ZNF407: variants seen among roughly 807,000 people sequenced by gnomAD.
The protein encoded by ZNF407 is zinc finger protein 407.
ZNF407 carries 17 observed loss-of-function variants against 131.2 expected under a neutral mutation model. That is an observed-to-expected ratio of 0.13 (90% CI 0.09 to 0.19). ZNF407 has a LOEUF of 0.19. Among genes scored for constraint, ZNF407 ranks in the 10% least tolerant of loss-of-function variants. ZNF407 has a pLI of 1.00. For synonymous variants in ZNF407, 1,156 were observed against 1,062.0 expected, an observed-to-expected ratio of 1.09 and a Z score of -1.72; for missense variants, 2,681 against 2,830.6, an observed-to-expected ratio of 0.95 and a Z score of 1.20.
chr18:74,672,961 A>G (rs1986210792), intron 3 of ZNF407, among the ~76,000 whole-genome samples: 1 of 152,188 alleles, frequency 6.6e-6, no homozygotes, highest in East Asian at 1.9e-4. Context: ...CTTCTTTCCT[A>G]ATATGTGTTA....
rs533645948 is a variant in ZNF407 at position 74,599,001 on chromosome 18, G to C, written c.-54+1064G>C. ...GTTACAGCTTTGCAGTCTATGCCTG[G>C]TGACATCCTAGTCGTAGTATGTATC... On this transcript the variant is annotated intron_variant, in intron 1 of 8. Transcript: ENST00000299687. Among the ~76,000 whole-genome samples the C allele has an allele frequency of 4.6e-5, 7 of 152,328 alleles. 1 individual carries two copies. Among genetic ancestry groups the C allele is most frequent in the African/African-American group, 1.7e-4 (7 of 41,582 alleles).
At chr18:74,940,038 A>C (rs1233202906) in intron 8 of ZNF407, among the ~76,000 whole-genome samples, 1 of 152,192 alleles carries the variant, frequency 6.6e-6, no homozygotes, top group East Asian at 1.9e-4. Flanking sequence ...TTACATATGA[A>C]GTCTCTGCCA....
At chr18:74,658,478 T>C (rs1985575958) in intron 3 of ZNF407, among the ~76,000 whole-genome samples, 1 of 152,128 alleles carries the variant, frequency 6.6e-6, no homozygotes, top group Admixed American at 6.5e-5. Context: ...ACTATTTACA[T>C]AGATATAGGA....
rs769999151 is a variant in ZNF407 at position 74,634,365 on chromosome 18, T to C, written c.3346T>C (p.Ser1116Pro). 2.5e-6 allele frequency: 4 copies of C among 1,613,926 alleles called. No individual in the cohort carries two copies. Among genetic ancestry groups the C allele is most frequent in the African/African-American group, 1.3e-5 (1 of 75,058 alleles). Residue 1116 changes from serine to proline, a missense_variant, in exon 2 of 9, where the codon TCT (serine) becomes CCT (proline). This residue lies in a region of ZNF407 where 1,789 missense variants were observed against 1,748.7 expected (regional missense o/e 1.02). Transcript: ENST00000299687. ...ATTTCAAATAATTTCAGGTCAACCA[T>C]CTGATACTCTTAAATCTAGAAATGC... ...EEFQIISGQP[S>P]DTLKSRNAAD...
chr18:74,924,476 T>C (rs1971886904), intron 8 of ZNF407, among the ~76,000 whole-genome samples: 1 of 152,236 alleles, frequency 6.6e-6, no homozygotes, highest in African/African-American at 2.4e-5. Flanking sequence ...TTGTACAATT[T>C]TTCTTCTATT....
At chr18:74,680,421 AC>A (rs1252415795) in intron 3 of ZNF407, among the ~76,000 whole-genome samples, 3 of 150,790 alleles carry the variant, frequency 2.0e-5, no homozygotes, top group Non-Finnish European at 1.5e-5. Flanking sequence ...AAAAAATAGA[AC>A]CCCCAAACAA....
intron 6 of ZNF407, among the ~76,000 whole-genome samples, chr18:74,885,331 A>G (rs2145190545): frequency 6.6e-6 from 1 of 152,334 alleles, no homozygotes; most frequent in Admixed American, 6.5e-5. Context: ...TGGAAACGTC[A>G]GAACACTGCT....
Position 74,822,229 on chromosome 18 carries a change from G to A in ZNF407, c.4877+40727G>A, listed in dbSNP as rs1416777806. On this transcript the variant is annotated intron_variant, in intron 4 of 8. Coordinates refer to ENST00000299687, the MANE Select transcript of ZNF407 (RefSeq NM_017757.3). ...ATTCTGTAGGTTGCGTGTTCACAAT[G>A]ATGGTAATTTCTTTTGCTGTGCAGA... Among the ~76,000 whole-genome samples, 3 of 152,166 alleles carry A rather than the reference G, an allele frequency of 2.0e-5. No homozygotes were observed. The East Asian group carries it at 5.8e-4, about 29-fold the overall frequency.
chr18:74,631,017 T>C lies in ZNF407; in HGVS notation c.-3T>C, dbSNP rs1431107479. 6.2e-7 allele frequency: 1 copy of C among 1,602,262 alleles called. No individual in the cohort carries two copies. Among genetic ancestry groups the C allele is most frequent in the Non-Finnish European group, 8.5e-7 (1 of 1,175,498 alleles). ...AGATAGAAGCATCGTCAGCACTTTATTAATGATGGATAGTGAGAATAAACC... is the reference window on the plus strand; with the variant it reads ...AGATAGAAGCATCGTCAGCACTTTACTAATGATGGATAGTGAGAATAAACC... On this transcript the variant is annotated 5_prime_UTR_variant, in exon 2 of 9. Coordinates refer to ENST00000299687, the MANE Select transcript of ZNF407 (RefSeq NM_017757.3).
Position 74,991,605 on chromosome 18 carries a change from A to G in ZNF407, c.5428+70913A>G, listed in dbSNP as rs191517412. Among the ~76,000 whole-genome samples the G allele has an allele frequency of 3.7e-4, 57 of 152,300 alleles. 1 individual carries two copies. The highest frequency in any genetic ancestry group is 6.0e-4 in the Non-Finnish European group (41 of 68,018). ...TCGGTATTGGTCACTAAATTTAAAC[A>G]TGGTTATTCTTAACATTTCCTAAAA... On this transcript the variant is annotated intron_variant, in intron 8 of 8. Transcript: ENST00000299687.
At chr18:74,951,271 A>G (rs1028622019) in intron 8 of ZNF407, among the ~76,000 whole-genome samples, 11 of 152,210 alleles carry the variant, frequency 7.2e-5, no homozygotes, top group African/African-American at 2.7e-4. Context: ...GGAAATCCCC[A>G]CAAGGCAATG....
At chr18:75,024,520 C>G (rs1326158823) in intron 8 of ZNF407, among the ~76,000 whole-genome samples, 1 of 152,178 alleles carries the variant, frequency 6.6e-6, no homozygotes, top group East Asian at 1.9e-4. Context: ...TTCAAATGTG[C>G]TATCCTATTC....
At chr18:74,912,992 T>C (rs906430495) in intron 7 of ZNF407, among the ~76,000 whole-genome samples, 4 of 152,276 alleles carry the variant, frequency 2.6e-5, no homozygotes, top group African/African-American at 9.6e-5. Flanking sequence ...ACCTTAAAAA[T>C]TAAAACTCCA....
At chr18:74,771,097 A>G (rs1969350718) in intron 3 of ZNF407, among the ~76,000 whole-genome samples, 1 of 152,114 alleles carries the variant, frequency 6.6e-6, no homozygotes, top group South Asian at 2.1e-4. Context: ...TTACAAGGGT[A>G]CATTTCACAT....
chr18:74,735,505 TATCCATAACTGTCTAC>T (rs1485272200), intron 3 of ZNF407, among the ~76,000 whole-genome samples: 1 of 152,230 alleles, frequency 6.6e-6, no homozygotes, highest in Admixed American at 6.5e-5. Context: ...TAATGTTTCC[TATCCATAACTGTCTAC>T]ACAATGGACT....
intron 4 of ZNF407, among the ~76,000 whole-genome samples, chr18:74,860,957 T>C (rs1970929770): frequency 6.6e-6 from 1 of 152,114 alleles, no homozygotes. Context: ...ATTTCTGAGG[T>C]CGTACTACAA....
chr18:74,708,730 G>T (rs1320904453), intron 3 of ZNF407, among the ~76,000 whole-genome samples: 2 of 152,240 alleles, frequency 1.3e-5, no homozygotes, highest in Non-Finnish European at 2.9e-5. Flanking sequence ...CTGCCAGCTT[G>T]CTGTATGGCT....
chr18:74,997,394 A>T (rs1409233190), intron 8 of ZNF407, among the ~76,000 whole-genome samples: 1 of 152,134 alleles, frequency 6.6e-6, no homozygotes, highest in East Asian at 1.9e-4. Flanking sequence ...TCTCCTGACA[A>T]AGTTACTGGG....
chr18:74,614,285 A>G (rs916666631), intron 1 of ZNF407, among the ~76,000 whole-genome samples: 6 of 152,314 alleles, frequency 3.9e-5, no homozygotes, highest in South Asian at 2.1e-4. Flanking sequence ...GATTTTCAAT[A>G]TGGGTGGTGT....
Sources: gnomAD v4.1 joint callset for allele counts (sites outside exome capture counted in the v4.1 genomes callset) on GRCh38, gnomAD v4.1.1 for gene constraint, gnomAD v4.1.1 regional missense constraint, MANE v1.5 for transcripts, NCBI Gene and HGNC (gene_info 2026-07-23, HGNC 2026-07-21) for gene names.